Variants in DIS3L2 observed in about 807,000 individuals in gnomAD.
DIS3L2 encodes the protein DIS3-like exonuclease 2.
DIS3L2 carries 34 observed loss-of-function variants against 97.5 expected under a neutral mutation model. The ratio of observed to expected loss-of-function variants is 0.35; its 90% confidence interval spans 0.27 to 0.46. The LOEUF (loss-of-function observed/expected upper bound fraction) is 0.46. Among genes scored for constraint, DIS3L2 ranks in the 20% least tolerant of loss-of-function variants. The pLI is 1.00. For missense variants in DIS3L2, 1,038 were observed against 1,146.0 expected, an observed-to-expected ratio of 0.91 and a Z score of 1.36; for synonymous variants, 435 against 445.2, an observed-to-expected ratio of 0.98 and a Z score of 0.29.
Position 232,269,122 on chromosome 2 carries a change from G to A in DIS3L2, c.1659+5682G>A, listed in dbSNP as rs759266631. Among the ~76,000 whole-genome samples the A allele has an allele frequency of 4.6e-5, 7 of 152,210 alleles. No homozygotes were observed. The highest frequency in any genetic ancestry group is 2.6e-4 in the Admixed American group (4 of 15,280). Reference sequence around the variant, plus strand: ...CTTGCAGAGATGCTGGCTCTGCCTCGTGTAGGTGCGCTGAAGGTGGGGACT... The same window carrying A: ...CTTGCAGAGATGCTGGCTCTGCCTCATGTAGGTGCGCTGAAGGTGGGGACT... On this transcript the variant is annotated intron_variant, in intron 13 of 20. Coordinates refer to ENST00000325385, the MANE Select transcript of DIS3L2 (RefSeq NM_152383.5). The surrounding 1 kb of genome is among the most constrained non-coding windows in gnomAD (Gnocchi z 4.5).
chr2:232,215,088 G>T (rs892349536), intron 10 of DIS3L2, among the ~76,000 whole-genome samples: 1 of 152,224 alleles, frequency 6.6e-6, no homozygotes, highest in African/African-American at 2.4e-5. Context: ...TAGGGGAAAA[G>T]GAGTGAATGA....
chr2:232,259,373 G>A (rs1236588628), intron 12 of DIS3L2, among the ~76,000 whole-genome samples: 1 of 152,122 alleles, frequency 6.6e-6, no homozygotes, highest in Non-Finnish European at 1.5e-5. Flanking sequence ...TTGGTAAAGA[G>A]TGACAAGCTG....
rs1041568580 is a variant in DIS3L2, at chr2:232,337,076, C to T, written c.*446C>T. ...CAGGCTTCACCCCTCGCTGCTGAGC[C>T]GATGTCAACACCTGGAACTTTCCTG... On this transcript the variant is annotated 3_prime_UTR_variant, in exon 21 of 21. Coordinates refer to ENST00000325385, the MANE Select transcript of DIS3L2 (RefSeq NM_152383.5). The T allele has an allele frequency of 2.7e-5, 28 of 1,028,312 alleles. No individual in the cohort carries two copies. The highest frequency in any genetic ancestry group is 2.6e-4 in the African/African-American group (15 of 57,474). The allele number at this position is 1,028,312 out of a possible 1,614,324, so 63.7% of individuals were successfully genotyped here. A position where few individuals can be genotyped will look rare whatever the true frequency, so the allele number is the denominator to read the frequency against.
chr2:232,206,738 A>G (rs888678705), intron 9 of DIS3L2, among the ~76,000 whole-genome samples: 1 of 152,118 alleles, frequency 6.6e-6, no homozygotes, highest in African/African-American at 2.4e-5. Context: ...TTAGACTTTT[A>G]TGTTTCTGGT....
At chr2:231,986,594 AG>A (rs1371484070) in intron 1 of DIS3L2, among the ~76,000 whole-genome samples, 5 of 152,216 alleles carry the variant, frequency 3.3e-5, no homozygotes, top group African/African-American at 9.6e-5. Context: ...TTTTTGAAGA[AG>A]CAAAAATGAG....
In DIS3L2 at chr2:232,201,050, C is replaced by T. The variant is rs563565008; in HGVS notation, c.1125-9276C>T. Among the ~76,000 whole-genome samples the T allele has an allele frequency of 1.7e-4, 26 of 152,338 alleles. No individual in the cohort carries two copies. The South Asian group carries it at 2.3e-3, about 13-fold the overall frequency. On this transcript the variant is annotated intron_variant, in intron 9 of 20. Transcript: ENST00000325385. ...TCGGCCTCCCAAAGTGCTGGGATTA[C>T]AGGCGTGAGCCACCGTGCCTGGCCC...
chr2:232,031,947 T>C (rs1369265909), intron 5 of DIS3L2, among the ~76,000 whole-genome samples: 2 of 152,216 alleles, frequency 1.3e-5, no homozygotes, highest in Non-Finnish European at 2.9e-5. Flanking sequence ...TTATGAATAG[T>C]GCTACAATAA....
chr2:232,045,182 T>C (rs142199488), intron 5 of DIS3L2, among the ~76,000 whole-genome samples: 9 of 152,180 alleles, frequency 5.9e-5, no homozygotes, highest in Non-Finnish European at 8.8e-5. Context: ...CTGTTAACCA[T>C]GTGAAGAGTA....
At chr2:232,221,995 T>A (rs1330668182) in intron 10 of DIS3L2, among the ~76,000 whole-genome samples, 1 of 150,986 alleles carries the variant, frequency 6.6e-6, no homozygotes, top group African/African-American at 2.4e-5. Flanking sequence ...CAGGCTGGAG[T>A]GTGGTGGTGT....
chr2:232,290,330 G>A (rs1162392284), intron 13 of DIS3L2, among the ~76,000 whole-genome samples: 3 of 152,200 alleles, frequency 2.0e-5, no homozygotes, highest in Non-Finnish European at 2.9e-5. Context: ...GGTCCTGATC[G>A]GGAAGCTGCT....
intron 8 of DIS3L2, among the ~76,000 whole-genome samples, chr2:232,143,043 A>C (rs16828641): frequency 0.01 from 1,581 of 152,334 alleles, 36 homozygotes; most frequent in African/African-American, 0.036. Context: ...TTGTAAGACT[A>C]GGAGTTTATA....
intron 8 of DIS3L2, among the ~76,000 whole-genome samples, chr2:232,141,669 A>G (rs1690051309): frequency 6.6e-6 from 1 of 152,110 alleles, no homozygotes; most frequent in Non-Finnish European, 1.5e-5. Context: ...AAGCAGAGGA[A>G]GGGAAATTCT....
intron 10 of DIS3L2, among the ~76,000 whole-genome samples, chr2:232,237,740 G>C (rs867916121): frequency 2.0e-5 from 3 of 151,834 alleles, no homozygotes; most frequent in South Asian, 2.1e-4. Flanking sequence ...ATGGTGGGAG[G>C]GGGGTAGAGG....
chr2:232,166,090 A>ATAAC (rs1284325275), intron 9 of DIS3L2, among the ~76,000 whole-genome samples: 1 of 148,764 alleles, frequency 6.7e-6, no homozygotes, highest in Non-Finnish European at 1.5e-5. Flanking sequence ...AAATAAATAA[A>ATAAC]TAAATAAATA....
chr2:231,999,088 G>A (rs1489592429), intron 1 of DIS3L2, among the ~76,000 whole-genome samples: 1 of 152,154 alleles, frequency 6.6e-6, no homozygotes, highest in Non-Finnish European at 1.5e-5. Flanking sequence ...AGTCCCTCTT[G>A]CAACTGTTTA....
intron 9 of DIS3L2, among the ~76,000 whole-genome samples, chr2:232,209,724 T>C (rs1429857180): frequency 6.6e-6 from 1 of 152,184 alleles, no homozygotes; most frequent in East Asian, 1.9e-4. Flanking sequence ...AGAATGAGAA[T>C]GTCTGGGAGT....
At chr2:232,008,738 A>G (rs865954738) in intron 1 of DIS3L2, among the ~76,000 whole-genome samples, 1 of 152,158 alleles carries the variant, frequency 6.6e-6, no homozygotes, top group African/African-American at 2.4e-5. Flanking sequence ...CCTGGTGCCA[A>G]AGGCAAGGCA....
At chr2:232,285,642 G>T (rs1222162287) in intron 13 of DIS3L2, among the ~76,000 whole-genome samples, 5 of 152,178 alleles carry the variant, frequency 3.3e-5, no homozygotes. Context: ...AGCCGTATGG[G>T]TTTGAGTTCC....
chr2:232,159,892 G>A (rs1031201249), intron 8 of DIS3L2, among the ~76,000 whole-genome samples: 1 of 152,022 alleles, frequency 6.6e-6, no homozygotes, highest in African/African-American at 2.4e-5. Context: ...TTTGTTTTTT[G>A]TTTGTTAATA....
Sources: gnomAD v4.1 joint callset for allele counts (sites outside exome capture counted in the v4.1 genomes callset) on GRCh38, gnomAD v4.1.1 for gene constraint, Gnocchi (gnomAD v3.1) non-coding constraint, MANE v1.5 for transcripts, NCBI Gene and HGNC (gene_info 2026-07-23, HGNC 2026-07-21) for gene names.